FBXL7: variants seen among roughly 807,000 people sequenced by gnomAD.
The protein encoded by FBXL7 is F-box and leucine rich repeat protein 7, also known as F-box/LRR-repeat protein 7.
A neutral mutation model predicts 38.3 loss-of-function variants in FBXL7; 12 were observed. That is an observed-to-expected ratio of 0.31 (90% CI 0.20 to 0.51). FBXL7 has a LOEUF of 0.51. Among genes scored for constraint, FBXL7 ranks in the 20% least tolerant of loss-of-function variants. The pLI, the probability that FBXL7 is intolerant of heterozygous loss-of-function variation, is 0.98. For synonymous variants in FBXL7, 297 were observed against 300.9 expected (o/e 0.99, Z 0.13); for missense variants, 567 against 676.4 (o/e 0.84, Z 1.79).
intron 1 of FBXL7, chr5:15,580,799 T>C (rs964560005): frequency 1.0e-5 from 10 of 985,392 alleles, no homozygotes; most frequent in Non-Finnish European, 1.2e-5. Flanking sequence ...TCATGGTCTA[T>C]CTCAGTTGCC....
intron 2 of FBXL7, among the ~76,000 whole-genome samples, chr5:15,673,677 A>G (rs1742559258): frequency 6.6e-6 from 1 of 152,132 alleles, no homozygotes; most frequent in African/African-American, 2.4e-5. Flanking sequence ...GAAAAAAGTT[A>G]ATCTTGTCCT....
intron 2 of FBXL7, among the ~76,000 whole-genome samples, chr5:15,672,259 C>G (rs116298000): frequency 1.3e-5 from 2 of 152,276 alleles, no homozygotes; most frequent in South Asian, 4.1e-4. Flanking sequence ...AAATGGATTT[C>G]TTCCAGGAAC....
intron 1 of FBXL7, among the ~76,000 whole-genome samples, chr5:15,531,060 C>A (rs1737406601): frequency 6.6e-6 from 1 of 152,140 alleles, no homozygotes; most frequent in South Asian, 2.1e-4. Context: ...GGAAAAGAAT[C>A]AAAATCAAGT....
intron 2 of FBXL7, among the ~76,000 whole-genome samples, chr5:15,718,805 C>T (rs1474796272): frequency 1.3e-5 from 2 of 152,156 alleles, no homozygotes; most frequent in Admixed American, 1.3e-4. Flanking sequence ...TTTGTGTTCA[C>T]GGAGAATGAA....
chr5:15,672,996 C>G (rs930853061), intron 2 of FBXL7, among the ~76,000 whole-genome samples: 15 of 152,114 alleles, frequency 9.9e-5, no homozygotes, highest in African/African-American at 3.6e-4. Context: ...AGTACTTGTT[C>G]TGAACGGTAT....
At chr5:15,901,703 A>G (rs1449828842) in intron 2 of FBXL7, among the ~76,000 whole-genome samples, 1 of 152,206 alleles carries the variant, frequency 6.6e-6, no homozygotes, top group African/African-American at 2.4e-5. Context: ...GAAGACCTGG[A>G]TAATTTCTCT....
At chr5:15,713,400 G>T (rs1049494423) in intron 2 of FBXL7, among the ~76,000 whole-genome samples, 3 of 152,132 alleles carry the variant, frequency 2.0e-5, no homozygotes, top group African/African-American at 7.2e-5. Context: ...TTTGGGTGGG[G>T]ACACAGCCAA....
chr5:15,930,969 TGGCC>T (rs1742023637), intron 3 of FBXL7, among the ~76,000 whole-genome samples: 1 of 152,220 alleles, frequency 6.6e-6, no homozygotes, highest in Non-Finnish European at 1.5e-5. Context: ...GCCCCGATAG[TGGCC>T]ACATTCTCAG....
At chr5:15,903,374 C>A (rs1423576433) in intron 2 of FBXL7, among the ~76,000 whole-genome samples, 1 of 152,158 alleles carries the variant, frequency 6.6e-6, no homozygotes, top group Non-Finnish European at 1.5e-5. Flanking sequence ...TCCAGAAAGA[C>A]CAGCACCCTC....
chr5:15,619,625 C>T (rs1445218188), intron 2 of FBXL7, among the ~76,000 whole-genome samples: 1 of 152,150 alleles, frequency 6.6e-6, no homozygotes, highest in Non-Finnish European at 1.5e-5. Flanking sequence ...CCTCTGAATT[C>T]GCCAATATCA....
chr5:15,753,030 G>A (rs891886927), intron 2 of FBXL7, among the ~76,000 whole-genome samples: 12 of 151,954 alleles, frequency 7.9e-5, no homozygotes, highest in African/African-American at 2.4e-4. Flanking sequence ...GAACATTTTC[G>A]CCGCTGCAAT....
intron 2 of FBXL7, among the ~76,000 whole-genome samples, chr5:15,715,923 T>C (rs990134572): frequency 6.6e-6 from 1 of 152,210 alleles, no homozygotes; most frequent in African/African-American, 2.4e-5. Context: ...ACTACAGATA[T>C]GTTTAATGCC....
At chr5:15,875,238 C>T (rs1442657249) in intron 2 of FBXL7, among the ~76,000 whole-genome samples, 1 of 152,172 alleles carries the variant, frequency 6.6e-6, no homozygotes, top group African/African-American at 2.4e-5. Context: ...GGACCCCTTC[C>T]TTACATCTTA....
At chr5:15,769,161 G>A (rs1242905209) in intron 2 of FBXL7, among the ~76,000 whole-genome samples, 11 of 152,180 alleles carry the variant, frequency 7.2e-5, no homozygotes, top group Non-Finnish European at 1.3e-4. Flanking sequence ...CCTGCCACCA[G>A]CTGCCTCCTT....
At chr5:15,521,637 C>G (rs780576182) in intron 1 of FBXL7, among the ~76,000 whole-genome samples, 22 of 152,212 alleles carry the variant, frequency 1.4e-4, no homozygotes, top group Non-Finnish European at 3.1e-4. Flanking sequence ...ACAGAGCCTA[C>G]TCCTCTTTGG....
intron 2 of FBXL7, among the ~76,000 whole-genome samples, chr5:15,660,061 G>A (rs1290112825): frequency 6.6e-6 from 1 of 152,146 alleles, no homozygotes; most frequent in Non-Finnish European, 1.5e-5. Context: ...TTGTAACATG[G>A]AGAGGTCTGC....
chr5:15,798,707 C>A (rs781285724), intron 2 of FBXL7, among the ~76,000 whole-genome samples: 8 of 152,092 alleles, frequency 5.3e-5, no homozygotes, highest in Non-Finnish European at 1.0e-4. Context: ...TTTTAAAAAT[C>A]AAAACACAGG....
chr5:15,858,950 C>T (rs930278572), intron 2 of FBXL7, among the ~76,000 whole-genome samples: 2 of 152,088 alleles, frequency 1.3e-5, no homozygotes, highest in African/African-American at 4.8e-5. Context: ...TATAACTTAA[C>T]CAGTATTTTT....
At chr5:15,730,678 A>G (rs1735558119) in intron 2 of FBXL7, among the ~76,000 whole-genome samples, 1 of 152,228 alleles carries the variant, frequency 6.6e-6, no homozygotes, top group African/African-American at 2.4e-5. Flanking sequence ...CATGCATCCT[A>G]CTATGAATGT....
Sources: gnomAD v4.1 joint callset for allele counts (sites outside exome capture counted in the v4.1 genomes callset) on GRCh38, gnomAD v4.1.1 for gene constraint, MANE v1.5 for transcripts, NCBI Gene and HGNC (gene_info 2026-07-23, HGNC 2026-07-21) for gene names.